EXOC4: variants seen among roughly 807,000 people sequenced by gnomAD.
The protein encoded by EXOC4 is exocyst complex component 4.
In EXOC4, 71 loss-of-function variants were observed where a neutral mutation model predicts 107.2. That is an observed-to-expected ratio of 0.66 (90% CI 0.55 to 0.81). EXOC4 has a LOEUF of 0.81. Among genes scored for constraint, EXOC4 ranks in the 30% least tolerant of loss-of-function variants. The pLI, the probability that EXOC4 is intolerant of heterozygous loss-of-function variation, is 0.00. For missense variants in EXOC4, 1,108 were observed against 1,189.6 expected, an observed-to-expected ratio of 0.93 and a Z score of 1.01; for synonymous variants, 456 against 441.2, an observed-to-expected ratio of 1.03 and a Z score of -0.42.
rs574664460 is a variant in EXOC4 at position 133,318,266 on chromosome 7, TG to T, written c.763+880del. ...CCTATTGAATAAGACAAAGCCATTT[TG>T]GGGTTATGTTTAAGGTTGAGGGCAG... On this transcript the variant is annotated intron_variant, in intron 5 of 17. Coordinates refer to ENST00000253861, the MANE Select transcript of EXOC4 (RefSeq NM_021807.4). 1.1e-4 allele frequency among the ~76,000 whole-genome samples: 17 copies of T among 152,340 alleles called. No individual in the cohort carries two copies. In the South Asian group the frequency reaches 1.9e-3, roughly 17 times the overall value.
At chr7:133,609,246 C>T (rs1256791971) in intron 9 of EXOC4, among the ~76,000 whole-genome samples, 7 of 152,094 alleles carry the variant, frequency 4.6e-5, no homozygotes, top group African/African-American at 1.7e-4. Flanking sequence ...GTGTGGAATC[C>T]AGTATGACAG....
At chr7:133,373,130 G>A (rs1296732741) in intron 6 of EXOC4, among the ~76,000 whole-genome samples, 1 of 152,160 alleles carries the variant, frequency 6.6e-6, no homozygotes. Context: ...TTACTGATCT[G>A]TATGATGCCA....
intron 7 of EXOC4, among the ~76,000 whole-genome samples, chr7:133,435,427 T>C (rs1197538481): frequency 6.6e-6 from 1 of 152,202 alleles, no homozygotes; most frequent in Non-Finnish European, 1.5e-5. Context: ...GCTCAACTAT[T>C]GTGGTATAAG....
In EXOC4 at chr7:133,540,171, G is replaced by A. The variant is rs183311250; in HGVS notation, c.1417+60033G>A. Among the ~76,000 whole-genome samples, 21 of 152,096 alleles carry A rather than the reference G, an allele frequency of 1.4e-4. 1 individual carries two copies. In the East Asian group the frequency reaches 3.9e-3, roughly 28 times the overall value. ...GCCATTACTTGTTATCATTTATGTAGCACCTGCTTCACTAATGCAATTGCT... is the reference window on the plus strand; with the variant it reads ...GCCATTACTTGTTATCATTTATGTAACACCTGCTTCACTAATGCAATTGCT... On this transcript the variant is annotated intron_variant, in intron 9 of 17. Transcript: ENST00000253861.
chr7:133,383,796 G>A (rs1796668394), intron 7 of EXOC4, among the ~76,000 whole-genome samples: 1 of 152,062 alleles, frequency 6.6e-6, no homozygotes, highest in South Asian at 2.1e-4. Flanking sequence ...CGCAGAAATA[G>A]TTTTTCGTCA....
chr7:133,257,795 A>G (rs571774523), intron 1 of EXOC4, among the ~76,000 whole-genome samples: 21 of 152,376 alleles, frequency 1.4e-4, no homozygotes, highest in Non-Finnish European at 2.1e-4. Flanking sequence ...TGAAATTTCA[A>G]AAACTTAGAA....
At chr7:134,035,859 C>T (rs1365274135) in intron 17 of EXOC4, among the ~76,000 whole-genome samples, 1 of 152,164 alleles carries the variant, frequency 6.6e-6, no homozygotes, top group East Asian at 1.9e-4. Flanking sequence ...TCCTTCTGGG[C>T]TTTATCTTCA....
chr7:133,533,667 A>G (rs1216849570), intron 9 of EXOC4, among the ~76,000 whole-genome samples: 1 of 152,106 alleles, frequency 6.6e-6, no homozygotes, highest in African/African-American at 2.4e-5. Flanking sequence ...TTACCTTTAA[A>G]AAGCTAGGGT....
rs192094861 is a variant in EXOC4 at position 133,566,621 on chromosome 7, A to G, written c.1418-63424A>G. Among the ~76,000 whole-genome samples, 8 of 152,306 alleles carry G rather than the reference A, an allele frequency of 5.3e-5. No individual in the cohort carries two copies. In the East Asian group the frequency reaches 1.3e-3, roughly 26 times the overall value. On this transcript the variant is annotated intron_variant, in intron 9 of 17. Transcript: ENST00000253861. ...TGATTCATGGTAGACCGGAAGGTAC[A>G]TATTAGAACTTGGTTACTTGGTCTA...
At chr7:133,652,794 A>G (rs937131426) in intron 10 of EXOC4, among the ~76,000 whole-genome samples, 1 of 152,190 alleles carries the variant, frequency 6.6e-6, no homozygotes. Flanking sequence ...TCTCATCATC[A>G]TCATCAGTTT....
chr7:133,958,026 C>G (rs1287383007), intron 14 of EXOC4, among the ~76,000 whole-genome samples: 1 of 152,146 alleles, frequency 6.6e-6, no homozygotes, highest in African/African-American at 2.4e-5. Flanking sequence ...CATGGGGCCT[C>G]GTGATACTTC....
chr7:134,003,549 A>C (rs914247545), intron 15 of EXOC4, among the ~76,000 whole-genome samples: 4 of 152,136 alleles, frequency 2.6e-5, no homozygotes, highest in Non-Finnish European at 4.4e-5. Flanking sequence ...TCATTTGGGA[A>C]TATTTCTTAT....
intron 9 of EXOC4, among the ~76,000 whole-genome samples, chr7:133,515,570 G>A (rs980417352): frequency 6.6e-6 from 1 of 152,120 alleles, no homozygotes; most frequent in African/African-American, 2.4e-5. Flanking sequence ...CTGGGCTCAA[G>A]TGATCCTCCC....
intron 10 of EXOC4, among the ~76,000 whole-genome samples, chr7:133,643,386 AAATTAAGGGTGGGT>A (rs1211168790): frequency 1.3e-5 from 2 of 152,092 alleles, no homozygotes; most frequent in Non-Finnish European, 2.9e-5. Context: ...GTGCCCACCC[AAATTAAGGGTGGGT>A]CTGCCTTTCC....
intron 10 of EXOC4, among the ~76,000 whole-genome samples, chr7:133,728,733 A>G (rs1795266284): frequency 6.6e-6 from 1 of 152,158 alleles, no homozygotes; most frequent in Admixed American, 6.5e-5. Context: ...AAGGACTTCT[A>G]TGTACAAGTC....
intron 12 of EXOC4, among the ~76,000 whole-genome samples, chr7:133,914,317 T>C (rs1799758517): frequency 6.6e-6 from 1 of 152,116 alleles, no homozygotes; most frequent in Non-Finnish European, 1.5e-5. Flanking sequence ...CAGACAAATG[T>C]GGAAGTTGAG....
rs1212562233 is a variant in EXOC4 at position 133,927,341 on chromosome 7, A to G, written c.2027+9603A>G. 3.2e-4 allele frequency among the ~76,000 whole-genome samples: 48 copies of G among 152,322 alleles called. 1 individual carries two copies. Among genetic ancestry groups the G allele is most frequent in the Non-Finnish European group, 7.4e-5 (5 of 68,026 alleles). On this transcript the variant is annotated intron_variant, in intron 13 of 17. Coordinates refer to ENST00000253861, the MANE Select transcript of EXOC4 (RefSeq NM_021807.4). Reference sequence around the variant, plus strand: ...AATTCAGATTAAACAATTCTAAGAGATGCAGAAATCTAGCAGAGCCAGGAA... The same window carrying G: ...AATTCAGATTAAACAATTCTAAGAGGTGCAGAAATCTAGCAGAGCCAGGAA...
the EXOC4 span, among the ~76,000 whole-genome samples, chr7:134,096,421 C>T: frequency 6.6e-6 from 1 of 152,092 alleles, no homozygotes; most frequent in Non-Finnish European, 1.5e-5. Flanking sequence ...TATTAGTCAG[C>T]GTTCTTTAAA....
rs917860693 is a variant in EXOC4, at chr7:133,449,141, T to C, written c.1183-26187T>C. 4.0e-5 allele frequency among the ~76,000 whole-genome samples: 6 copies of C among 151,792 alleles called. No individual in the cohort carries two copies. In the South Asian group the frequency reaches 1.0e-3, roughly 26 times the overall value. ...AAATAAATAAAAAGAATATGGGAAT[T>C]TGGTTACAGAGAAGACACACAAGGA... On this transcript the variant is annotated intron_variant, in intron 7 of 17. Transcript: ENST00000253861.
Sources: gnomAD v4.1 joint callset for allele counts (sites outside exome capture counted in the v4.1 genomes callset) on GRCh38, gnomAD v4.1.1 for gene constraint, MANE v1.5 for transcripts, NCBI Gene and HGNC (gene_info 2026-07-23, HGNC 2026-07-21) for gene names.